CNTNAP2: variants seen among roughly 807,000 people sequenced by gnomAD.
CNTNAP2 encodes contactin-associated protein-like 2.
In CNTNAP2, 98 loss-of-function variants were observed where a neutral mutation model predicts 155.2. The observed-to-expected ratio is 0.63, with a 90% CI of 0.54 to 0.75. The LOEUF (loss-of-function observed/expected upper bound fraction) is 0.75, where lower values mean the gene tolerates loss of function less well. Among genes scored for constraint, CNTNAP2 ranks in the 30% least tolerant of loss-of-function variants. CNTNAP2 has a pLI of 0.00. For synonymous variants in CNTNAP2, 651 were observed against 631.2 expected, an observed-to-expected ratio of 1.03 and a Z score of -0.47; for missense variants, 1,727 against 1,688.1, an observed-to-expected ratio of 1.02 and a Z score of -0.40.
intron 1 of CNTNAP2, among the ~76,000 whole-genome samples, chr7:146,384,799 C>A (rs1273695610): frequency 1.3e-5 from 2 of 152,190 alleles, no homozygotes; most frequent in South Asian, 2.1e-4. Flanking sequence ...TCTGAAAGGC[C>A]TTTTGACTCC....
intron 8 of CNTNAP2, among the ~76,000 whole-genome samples, chr7:147,241,740 A>C (rs991341091): frequency 2.0e-5 from 3 of 151,546 alleles, no homozygotes; most frequent in Admixed American, 6.6e-5. Context: ...GCAACTCCTC[A>C]TTTCAATGTT....
chr7:147,731,309 G>T (rs1239803031), intron 13 of CNTNAP2, among the ~76,000 whole-genome samples: 1 of 152,038 alleles, frequency 6.6e-6, no homozygotes, highest in Admixed American at 6.6e-5. Context: ...GACAGACCTT[G>T]TTAGGTTACT....
intron 10 of CNTNAP2, among the ~76,000 whole-genome samples, chr7:147,404,435 G>T (rs746763806): frequency 6.6e-5 from 10 of 152,140 alleles, no homozygotes; most frequent in Non-Finnish European, 1.0e-4. Context: ...ATCCTATTGT[G>T]ATTCTTTCAG....
chr7:147,645,098 G>C (rs1030893458), intron 13 of CNTNAP2, among the ~76,000 whole-genome samples: 1 of 151,936 alleles, frequency 6.6e-6, no homozygotes, highest in Non-Finnish European at 1.5e-5. Context: ...ATTAGATTTT[G>C]TATCTATTGA....
chr7:147,475,578 T>C (rs1272535789), intron 10 of CNTNAP2, among the ~76,000 whole-genome samples: 5 of 152,160 alleles, frequency 3.3e-5, no homozygotes, highest in Admixed American at 6.5e-5. Context: ...TTGTCTACCA[T>C]ATTAAAATAT....
intron 13 of CNTNAP2, among the ~76,000 whole-genome samples, chr7:147,887,411 C>T (rs1017908124): frequency 1.3e-5 from 2 of 152,166 alleles, no homozygotes; most frequent in Non-Finnish European, 2.9e-5. Flanking sequence ...GTGGAGATTG[C>T]AGTGAGCTGA....
At chr7:147,819,467 C>A (rs1235656194) in intron 13 of CNTNAP2, among the ~76,000 whole-genome samples, 10 of 150,984 alleles carry the variant, frequency 6.6e-5, no homozygotes, top group Non-Finnish European at 1.5e-5. Flanking sequence ...TTTAAACATT[C>A]ATTTCCTTTA....
intron 11 of CNTNAP2, among the ~76,000 whole-genome samples, chr7:147,500,095 A>G (rs540389941): frequency 2.7e-5 from 4 of 149,218 alleles, no homozygotes; most frequent in African/African-American, 1.0e-4. Context: ...ATTTTTTTTT[A>G]AAAAAACTGG....
intron 11 of CNTNAP2, among the ~76,000 whole-genome samples, chr7:147,546,787 A>T (rs968142330): frequency 9.2e-5 from 14 of 152,218 alleles, no homozygotes; most frequent in African/African-American, 3.4e-4. Context: ...AACACATCGC[A>T]GATCTTTCTG....
At chr7:148,117,799 ATTGT>A (rs1585134689) in intron 15 of CNTNAP2, among the ~76,000 whole-genome samples, 2 of 151,002 alleles carry the variant, frequency 1.3e-5, no homozygotes, top group East Asian at 3.9e-4. Context: ...ATTATAAAAT[ATTGT>A]TTATCATAAA....
intron 12 of CNTNAP2, among the ~76,000 whole-genome samples, chr7:147,577,208 C>T (rs1418280043): frequency 6.6e-6 from 1 of 152,056 alleles, no homozygotes; most frequent in Admixed American, 6.6e-5. Context: ...CATCATACTT[C>T]TGCGTCACTG....
intron 1 of CNTNAP2, among the ~76,000 whole-genome samples, chr7:146,222,849 C>T (rs971797603): frequency 2.6e-5 from 4 of 151,492 alleles, no homozygotes; most frequent in Non-Finnish European, 1.5e-5. Flanking sequence ...TTAGTAGAGA[C>T]GGGGTTTTAC....
chr7:146,802,577 A>C (rs1802897737), intron 2 of CNTNAP2, among the ~76,000 whole-genome samples: 1 of 152,024 alleles, frequency 6.6e-6, no homozygotes, highest in Non-Finnish European at 1.5e-5. Flanking sequence ...GGTTGTTTAG[A>C]AGTGTGTAGC....
chr7:146,437,083 T>C (rs1724491), intron 1 of CNTNAP2, among the ~76,000 whole-genome samples: 5,607 of 151,400 alleles, frequency 0.037, 587 homozygotes, highest in African/African-American at 0.13. Context: ...TGAGCTCACC[T>C]CCCTTTAGAT....
rs565010886 is a variant in CNTNAP2 at position 147,071,935 on chromosome 7, A to G, written c.550+27881A>G. ...ACTAGGGGCTGGATATGCCCAGGGT[A>G]TCATGATGAAAATAAAAACCAGTCT... On this transcript the variant is annotated intron_variant, in intron 4 of 23. Transcript: ENST00000361727. Among the ~76,000 whole-genome samples the G allele has an allele frequency of 3.3e-5, 5 of 152,310 alleles. No homozygotes were observed. In the South Asian group the frequency reaches 1.0e-3, roughly 32 times the overall value.
chr7:147,392,477 A>T (rs1481737057), intron 9 of CNTNAP2, among the ~76,000 whole-genome samples: 1 of 151,906 alleles, frequency 6.6e-6, no homozygotes, highest in Non-Finnish European at 1.5e-5. Context: ...GTATACACTG[A>T]ACCCAATTTG....
intron 13 of CNTNAP2, among the ~76,000 whole-genome samples, chr7:147,789,679 G>C (rs1584956108): frequency 6.6e-6 from 1 of 152,148 alleles, no homozygotes; most frequent in East Asian, 1.9e-4. Context: ...CCAGTGTGTG[G>C]GCACCATCTA....
chr7:147,632,703 A>T lies in CNTNAP2; in HGVS notation c.1898-6403A>T, dbSNP rs1191167654. 2.0e-5 allele frequency among the ~76,000 whole-genome samples: 3 copies of T among 152,166 alleles called. No homozygotes were observed. In the South Asian group the frequency reaches 6.2e-4, roughly 32 times the overall value. On this transcript the variant is annotated intron_variant, in intron 12 of 23. Coordinates refer to ENST00000361727, the MANE Select transcript of CNTNAP2 (RefSeq NM_014141.6). ...GCTGTAAAGATATCCAAAAATATGG[A>T]AGCAACTTTGGAACTGGGTAACAGG...
At chr7:147,354,771 T>G (rs752042080) in intron 9 of CNTNAP2, among the ~76,000 whole-genome samples, 1 of 152,174 alleles carries the variant, frequency 6.6e-6, no homozygotes, top group African/African-American at 2.4e-5. Context: ...TGCATGAGCA[T>G]GGACTGTTTT....
Sources: allele counts gnomAD v4.1 joint callset (sites outside exome capture counted in the v4.1 genomes callset), GRCh38; gene constraint gnomAD v4.1.1; transcripts MANE v1.5; gene names NCBI Gene and HGNC (gene_info 2026-07-23, HGNC 2026-07-21).